Variants in PTPRD observed in about 807,000 individuals in gnomAD.
PTPRD encodes the protein receptor-type tyrosine-protein phosphatase delta.
A neutral mutation model predicts 214.5 loss-of-function variants in PTPRD; 34 were observed. The ratio of observed to expected loss-of-function variants is 0.16; its 90% CI spans 0.12 to 0.21. PTPRD has a LOEUF of 0.21. Among genes scored for constraint, PTPRD ranks in the 10% least tolerant of loss-of-function variants. PTPRD has a pLI of 1.00. For missense variants in PTPRD, 2,545 were observed against 2,398.7 expected (o/e 1.06, Z -1.27); for synonymous variants, 1,128 against 845.7 (o/e 1.33, Z -5.79).
intron 11 of PTPRD, among the ~76,000 whole-genome samples, chr9:8,931,992 T>C (rs994978694): frequency 1.3e-5 from 2 of 152,236 alleles, no homozygotes; most frequent in African/African-American, 2.4e-5. Context: ...TGTATTTCTT[T>C]GGGATCAGTG....
intron 3 of PTPRD, among the ~76,000 whole-genome samples, chr9:10,302,276 T>C (rs1596497605): frequency 6.6e-6 from 1 of 151,982 alleles, no homozygotes; most frequent in Non-Finnish European, 1.5e-5. Context: ...GCACTAAACA[T>C]GGAAGGGAAC....
intron 5 of PTPRD, among the ~76,000 whole-genome samples, chr9:9,937,148 C>T (rs1044923496): frequency 2.6e-5 from 4 of 151,786 alleles, no homozygotes; most frequent in East Asian, 3.9e-4. Flanking sequence ...ATGGGTGCAG[C>T]GCACCAGCAT....
At chr9:10,376,611 G>T (rs73402293) in intron 2 of PTPRD, among the ~76,000 whole-genome samples, 70 of 151,694 alleles carry the variant, frequency 4.6e-4, no homozygotes, top group Middle Eastern at 3.4e-3. Context: ...CATAGACAGG[G>T]TATCATGATC....
intron 7 of PTPRD, among the ~76,000 whole-genome samples, chr9:9,660,434 G>C (rs1348056122): frequency 2.0e-5 from 3 of 151,962 alleles, no homozygotes; most frequent in Non-Finnish European, 2.9e-5. Flanking sequence ...GTGAGTAGTA[G>C]AGATGCTTTG....
chr9:9,090,751 C>T (rs976952671), intron 10 of PTPRD: 13 of 629,436 alleles, frequency 2.1e-5, no homozygotes, highest in Non-Finnish European at 3.4e-5. Flanking sequence ...CTCAAAACAT[C>T]AGTGATTTCA....
intron 2 of PTPRD, among the ~76,000 whole-genome samples, chr9:10,353,599 A>C (rs2097218516): frequency 6.6e-6 from 1 of 152,006 alleles, no homozygotes; most frequent in Non-Finnish European, 1.5e-5. Flanking sequence ...ACAAGTTTTT[A>C]ATATAGAGTC....
chr9:9,707,482 T>C (rs1482137229), intron 7 of PTPRD, among the ~76,000 whole-genome samples: 1 of 152,126 alleles, frequency 6.6e-6, no homozygotes, highest in Non-Finnish European at 1.5e-5. Flanking sequence ...TGATGTACAA[T>C]AGAACCGGTA....
At chr9:9,807,987 A>T (rs2045957284) in intron 5 of PTPRD, among the ~76,000 whole-genome samples, 1 of 152,176 alleles carries the variant, frequency 6.6e-6, no homozygotes, top group Non-Finnish European at 1.5e-5. Context: ...TAAAAATTAA[A>T]TGAGTGCTGA....
chr9:10,140,792 AC>A (rs2098979251), intron 3 of PTPRD, among the ~76,000 whole-genome samples: 1 of 151,850 alleles, frequency 6.6e-6, no homozygotes, highest in South Asian at 2.1e-4. Context: ...CAGAGACACA[AC>A]CAAAAAAGAG....
chr9:10,416,741 T>C (rs548280034), intron 2 of PTPRD, among the ~76,000 whole-genome samples: 20 of 151,862 alleles, frequency 1.3e-4, no homozygotes, highest in Admixed American at 5.3e-4. Context: ...TCTGTGGAGA[T>C]TGCAATGTCA....
chr9:9,218,291 A>C (rs985147108), intron 9 of PTPRD, among the ~76,000 whole-genome samples: 1 of 152,156 alleles, frequency 6.6e-6, no homozygotes, highest in African/African-American at 2.4e-5. Context: ...GATCCGGATT[A>C]GATAGGCCTT....
intron 3 of PTPRD, among the ~76,000 whole-genome samples, chr9:10,233,486 T>C (rs530419408): frequency 1.3e-5 from 2 of 152,128 alleles, no homozygotes; most frequent in South Asian, 4.1e-4. Context: ...GATCTCTGTC[T>C]CTTTTCCTTT....
intron 3 of PTPRD, among the ~76,000 whole-genome samples, chr9:10,087,686 C>T (rs2098368821): frequency 6.6e-6 from 1 of 151,700 alleles, no homozygotes; most frequent in African/African-American, 2.4e-5. Flanking sequence ...AAGGTGGAAC[C>T]GGGTGATTCA....
At chr9:10,157,139 T>G (rs2099098569) in intron 3 of PTPRD, among the ~76,000 whole-genome samples, 1 of 152,192 alleles carries the variant, frequency 6.6e-6, no homozygotes, top group Non-Finnish European at 1.5e-5. Context: ...CATTCAAGTT[T>G]AGTATTGATA....
chr9:9,351,363 G>T (rs2051059202), intron 9 of PTPRD, among the ~76,000 whole-genome samples: 2 of 151,976 alleles, frequency 1.3e-5, no homozygotes, highest in Admixed American at 6.6e-5. Flanking sequence ...GAATCTGAAG[G>T]GATTAGTCAC....
rs1377498649 is a variant in PTPRD, at chr9:8,929,707, ATATATATATGTGTATATATATATGTG to A, written c.-104+88964_-104+88989del. Among the ~76,000 whole-genome samples, 837 of 122,182 alleles carry A rather than the reference ATATATATATGTGTATATATATATGTG, an allele frequency of 6.9e-3. 36 individuals carry two copies. Among genetic ancestry groups the A allele is most frequent in the Admixed American group, 0.01 (125 of 11,978 alleles). The allele number at this position is 122,182 out of a possible 152,430, so 80.2% of individuals were successfully genotyped here. A position where few individuals can be genotyped will look rare whatever the true frequency, so the allele number is the denominator to read the frequency against. ...TATATATGTGTATATATATATGTGT[ATATATATATGTGTATATATATATGTG>A]TATATATATGTGTATATATATATGT... is the stretch of plus-strand genomic sequence containing the variant. On this transcript the variant is annotated intron_variant, in intron 11 of 45. Transcript: ENST00000381196.
At chr9:10,274,563 A>G (rs1595894839) in intron 3 of PTPRD, among the ~76,000 whole-genome samples, 1 of 152,196 alleles carries the variant, frequency 6.6e-6, no homozygotes, top group African/African-American at 2.4e-5. Flanking sequence ...ACAATTTTAA[A>G]AAGACACCAA....
At chr9:9,131,494 A>T (rs970892012) in intron 10 of PTPRD, among the ~76,000 whole-genome samples, 21 of 152,192 alleles carry the variant, frequency 1.4e-4, no homozygotes, top group African/African-American at 5.1e-4. Flanking sequence ...CGCTATTACC[A>T]TTGTAAAAAC....
intron 2 of PTPRD, among the ~76,000 whole-genome samples, chr9:10,393,961 T>C (rs1004691521): frequency 4.1e-5 from 6 of 147,754 alleles, no homozygotes; most frequent in Non-Finnish European, 7.4e-5. Context: ...ACTAAACTCT[T>C]AGGATACAGC....
Sources: gnomAD v4.1 joint callset for allele counts (sites outside exome capture counted in the v4.1 genomes callset) on GRCh38, gnomAD v4.1.1 for gene constraint, MANE v1.5 for transcripts, NCBI Gene and HGNC (gene_info 2026-07-23, HGNC 2026-07-21) for gene names.